PRKCI: variants seen among roughly 807,000 people sequenced by gnomAD.
PRKCI encodes protein kinase C iota type.
PRKCI carries 43 observed loss-of-function variants against 84.0 expected under a neutral mutation model. The observed-to-expected ratio is 0.51, with a 90% confidence interval of 0.40 to 0.66. The LOEUF is 0.66. PRKCI is among the 30% of genes least tolerant of loss of function. PRKCI has a pLI of 0.00. For synonymous variants in PRKCI, 216 were observed against 234.4 expected (o/e 0.92, Z 0.72); for missense variants, 459 against 745.6 (o/e 0.62, Z 4.48).
At position 170,245,957 on chromosome 3, in the gene PRKCI, T is replaced by TG. The variant is rs200509231; in HGVS notation, c.223+10606_223+10607insG. 1.2e-4 allele frequency among the ~76,000 whole-genome samples: 17 copies of TG among 141,466 alleles called. No homozygotes were observed. The South Asian group carries it at 2.0e-3, about 17-fold the overall frequency. The allele number at this position is 141,466 out of a possible 152,430, so 92.8% of individuals were successfully genotyped here. On this transcript the variant is annotated intron_variant, in intron 2 of 17. Transcript: ENST00000295797. ...CTGGATGTTATGTCTTTGTTTTTTT[T>TG]TTTTTTTTTTTTTCTGACACAAATC... is the stretch of plus-strand genomic sequence containing the variant.
chr3:170,277,626 G>A (rs549121311), intron 8 of PRKCI, among the ~76,000 whole-genome samples: 46 of 151,790 alleles, frequency 3.0e-4, no homozygotes, highest in African/African-American at 1.1e-3. Context: ...CCCAGGAGGC[G>A]GAGCTTGCAG....
At chr3:170,227,386 T>C (rs924327878) in intron 1 of PRKCI, among the ~76,000 whole-genome samples, 3 of 152,136 alleles carry the variant, frequency 2.0e-5, no homozygotes, top group Non-Finnish European at 2.9e-5. Context: ...AAGAGACTTG[T>C]GGAGGGAAGG....
chr3:170,280,923 A>G (rs1734228027), intron 9 of PRKCI, among the ~76,000 whole-genome samples: 1 of 152,166 alleles, frequency 6.6e-6, no homozygotes, highest in Admixed American at 6.5e-5. Flanking sequence ...CAAAAATCAA[A>G]CCACATTATT....
At chr3:170,295,706 C>T (rs1049510225) in intron 14 of PRKCI, among the ~76,000 whole-genome samples, 16 of 150,318 alleles carry the variant, frequency 1.1e-4, no homozygotes, top group African/African-American at 2.9e-4. Flanking sequence ...TTTAGCCGAG[C>T]GTGATGGTGG....
chr3:170,296,387 C>T (rs749142858), intron 15 of PRKCI, among the ~76,000 whole-genome samples: 1 of 152,194 alleles, frequency 6.6e-6, no homozygotes, highest in Non-Finnish European at 1.5e-5. Context: ...ACGTGGGCCG[C>T]AGTGCTCCCT....
chr3:170,229,815 C>T lies in PRKCI; in HGVS notation c.102-5415C>T, dbSNP rs558973214. Among the ~76,000 whole-genome samples the T allele has an allele frequency of 1.8e-3, 281 of 152,266 alleles. 2 individuals are homozygous for T. The highest frequency in any genetic ancestry group is 6.0e-3 in the African/African-American group (248 of 41,568). ...ACTAGTGAAGCTTCTGCCTTATATTCCCATTGCATGTTATCTGTCTTTTAA... is the reference window on the plus strand; with the variant it reads ...ACTAGTGAAGCTTCTGCCTTATATTTCCATTGCATGTTATCTGTCTTTTAA... On this transcript the variant is annotated intron_variant, in intron 1 of 17. Coordinates refer to ENST00000295797, the MANE Select transcript of PRKCI (RefSeq NM_002740.6).
chr3:170,236,822 A>G (rs1732988138), intron 2 of PRKCI, among the ~76,000 whole-genome samples: 1 of 150,164 alleles, frequency 6.7e-6, no homozygotes, highest in African/African-American at 2.5e-5. Flanking sequence ...TGATTGTGCC[A>G]CTGCACTCCA....
chr3:170,298,930 G>C (rs1173300589), intron 16 of PRKCI, 65 bp from the exon 17 acceptor site: 1 of 1,014,856 alleles, frequency 9.9e-7, no homozygotes, highest in East Asian at 2.4e-5. Context: ...GTGCAGAGGA[G>C]AACTGTAGAG....
At chr3:170,278,666 A>G (rs1734174841) in intron 8 of PRKCI, among the ~76,000 whole-genome samples, 1 of 152,226 alleles carries the variant, frequency 6.6e-6, no homozygotes, top group East Asian at 1.9e-4. Flanking sequence ...AAATAAATAA[A>G]TAAATGAAGG....
chr3:170,241,166 C>T (rs1733121322), intron 2 of PRKCI, among the ~76,000 whole-genome samples: 1 of 151,964 alleles, frequency 6.6e-6, no homozygotes, highest in Non-Finnish European at 1.5e-5. Context: ...CATCTATTAC[C>T]TCAAATACTT....
intron 1 of PRKCI, among the ~76,000 whole-genome samples, chr3:170,234,318 A>T (rs1257019285): frequency 6.6e-6 from 1 of 152,200 alleles, no homozygotes; most frequent in Non-Finnish European, 1.5e-5. Context: ...GGTGTGAGCC[A>T]CCACGCCCAG....
At chr3:170,287,771 G>T (rs540032742) in intron 12 of PRKCI, among the ~76,000 whole-genome samples, 57 of 151,812 alleles carry the variant, frequency 3.8e-4, no homozygotes, top group African/African-American at 1.3e-3. Flanking sequence ...GATTAGCTGG[G>T]CATGGTGGCA....
At chr3:170,266,804 C>T (rs1733866415) in intron 4 of PRKCI, among the ~76,000 whole-genome samples, 1 of 152,124 alleles carries the variant, frequency 6.6e-6, no homozygotes, top group Non-Finnish European at 1.5e-5. Context: ...ACCAGCCTGG[C>T]CAACGTGGCA....
chr3:170,256,730 T>G (rs188993025), intron 2 of PRKCI, among the ~76,000 whole-genome samples: 1 of 152,336 alleles, frequency 6.6e-6, no homozygotes, highest in East Asian at 1.9e-4. Flanking sequence ...GCTCTCGCTT[T>G]TCTTGTTCTT....
chr3:170,274,956 C>T (rs996155999), intron 7 of PRKCI, among the ~76,000 whole-genome samples: 2 of 152,056 alleles, frequency 1.3e-5, no homozygotes, highest in South Asian at 2.1e-4. Context: ...TTAAAAATAA[C>T]GAAAGTACTT....
chr3:170,295,486 G>A (rs548497375), intron 14 of PRKCI, among the ~76,000 whole-genome samples: 147 of 152,140 alleles, frequency 9.7e-4, no homozygotes, highest in African/African-American at 3.4e-3. Context: ...AGACCAGCCC[G>A]GCCAGCATGG....
intron 1 of PRKCI, among the ~76,000 whole-genome samples, chr3:170,232,056 CT>C (rs906261617): frequency 1.2e-3 from 173 of 144,896 alleles, no homozygotes; most frequent in African/African-American, 1.8e-3. Context: ...GTATTTTGCA[CT>C]TTTTTTTTTT....
At chr3:170,250,580 AG>A (rs550885493) in intron 2 of PRKCI, among the ~76,000 whole-genome samples, 77 of 152,084 alleles carry the variant, frequency 5.1e-4, no homozygotes, top group African/African-American at 1.6e-3. Context: ...TTTCCTATAC[AG>A]TGTCATTACT....
intron 2 of PRKCI, among the ~76,000 whole-genome samples, chr3:170,241,506 T>C (rs1306048140): frequency 6.6e-6 from 1 of 152,228 alleles, no homozygotes; most frequent in Non-Finnish European, 1.5e-5. Context: ...TGACATAATT[T>C]TCTGCTTGAG....
Sources: allele counts gnomAD v4.1 joint callset (sites outside exome capture counted in the v4.1 genomes callset), GRCh38; gene constraint gnomAD v4.1.1; transcripts MANE v1.5; gene names NCBI Gene and HGNC (gene_info 2026-07-23, HGNC 2026-07-21).